The following OR1J2 variants were observed in gnomAD, a reference collection of about 807,000 sequenced individuals.
OR1J2 encodes the protein olfactory receptor family 1 subfamily J member 2, also known as olfactory receptor 1J2.
For missense variants in OR1J2, 304 were observed against 246.1 expected (o/e 1.24, Z -1.57); for synonymous variants, 142 against 99.7 (o/e 1.42, Z -2.52).
At chr9:122,480,081 A>G in the OR1J2 span, among the ~76,000 whole-genome samples, 1 of 152,056 alleles carries the variant, frequency 6.6e-6, no homozygotes, top group Non-Finnish European at 1.5e-5. Context: ...ACTCACATCA[A>G]TATTTATCAA....
downstream of OR1J2, among the ~76,000 whole-genome samples, chr9:122,514,741 C>T (rs1172356541): frequency 6.6e-6 from 1 of 152,166 alleles, no homozygotes; most frequent in Non-Finnish European, 1.5e-5. Context: ...CTATAGACAT[C>T]TCAACCTAAC....
chr9:122,526,941 T>TA, the OR1J2 span: 1 of 1,614,172 alleles, frequency 6.2e-7, no homozygotes, highest in South Asian at 1.1e-5. Flanking sequence ...ATAGCGGTCA[T>TA]ACGCCATGGC....
chr9:122,485,960 G>GT, the OR1J2 span, among the ~76,000 whole-genome samples: 25,810 of 138,568 alleles, frequency 0.19, 2,556 homozygotes, highest in Admixed American at 0.21. Context: ...TCCCACATAA[G>GT]TTTTTTTTTT....
At chr9:122,505,136 C>T in the OR1J2 span, among the ~76,000 whole-genome samples, 354 of 152,186 alleles carry the variant, frequency 2.3e-3, no homozygotes, top group Non-Finnish European at 3.6e-3. Flanking sequence ...AGAAGCTGCC[C>T]GCATATAAGC....
the OR1J2 span, among the ~76,000 whole-genome samples, chr9:122,552,508 G>A: frequency 6.6e-6 from 1 of 152,176 alleles, no homozygotes; most frequent in Non-Finnish European, 1.5e-5. Flanking sequence ...TGATGGAAGG[G>A]AGAGAGTGGC....
At chr9:122,490,918 C>A in the OR1J2 span, among the ~76,000 whole-genome samples, 142 of 152,088 alleles carry the variant, frequency 9.3e-4, 11 homozygotes, top group Non-Finnish European at 1.0e-4. Context: ...TTGCAGTGGG[C>A]AGAGGACATG....
chr9:122,480,912 A>G, the OR1J2 span, among the ~76,000 whole-genome samples: 148 of 152,176 alleles, frequency 9.7e-4, 1 homozygote, highest in African/African-American at 3.4e-3. Context: ...CTCCTGCCTC[A>G]GCCTCCCGAG....
the OR1J2 span, among the ~76,000 whole-genome samples, chr9:122,556,690 A>T: frequency 2.2e-4 from 34 of 152,308 alleles, no homozygotes; most frequent in African/African-American, 7.9e-4. Context: ...TAAAAGAAAA[A>T]AAAAGTAAGT....
the OR1J2 span, among the ~76,000 whole-genome samples, chr9:122,488,331 G>T: frequency 6.6e-6 from 1 of 152,198 alleles, no homozygotes; most frequent in African/African-American, 2.4e-5. Flanking sequence ...TAGAAATGGG[G>T]TTTTGCCATG....
At chr9:122,515,134 G>C (rs191686419), downstream of OR1J2, among the ~76,000 whole-genome samples, 356 of 152,266 alleles carry the variant, frequency 2.3e-3, 7 homozygotes, top group African/African-American at 8.4e-3. Flanking sequence ...GAATAGACTT[G>C]TTACCTCTCC....
At chr9:122,451,718 A>G in the OR1J2 span, among the ~76,000 whole-genome samples, 3 of 152,214 alleles carry the variant, frequency 2.0e-5, no homozygotes, top group East Asian at 5.8e-4. Context: ...GACAATGTTC[A>G]GGACATTAAT....
At chr9:122,521,500 G>C in the OR1J2 span, among the ~76,000 whole-genome samples, 2 of 152,232 alleles carry the variant, frequency 1.3e-5, no homozygotes, top group Admixed American at 6.5e-5. Flanking sequence ...CCTTCATCGG[G>C]GGCTCATGTA....
chr9:122,534,376 G>A, the OR1J2 span, among the ~76,000 whole-genome samples: 34 of 152,138 alleles, frequency 2.2e-4, no homozygotes, highest in Non-Finnish European at 2.9e-4. Context: ...ACTGTAAAGC[G>A]TCTCAGTGTT....
the OR1J2 span, among the ~76,000 whole-genome samples, chr9:122,577,729 AT>A: frequency 6.6e-6 from 1 of 152,230 alleles, no homozygotes; most frequent in African/African-American, 2.4e-5. Flanking sequence ...GACAGTATTT[AT>A]TTAAATATTT....
chr9:122,497,037 C>T, the OR1J2 span, among the ~76,000 whole-genome samples: 67 of 152,148 alleles, frequency 4.4e-4, no homozygotes, highest in Non-Finnish European at 6.3e-4. Flanking sequence ...CACACCATGT[C>T]TCCTTCCCCC....
chr9:122,502,190 T>C, the OR1J2 span, among the ~76,000 whole-genome samples: 2 of 152,142 alleles, frequency 1.3e-5, no homozygotes, highest in Non-Finnish European at 2.9e-5. Flanking sequence ...AGCAGTAAGG[T>C]AAATAGTTAT....
At chr9:122,524,892 C>T in the OR1J2 span, among the ~76,000 whole-genome samples, 1 of 152,032 alleles carries the variant, frequency 6.6e-6, no homozygotes. Context: ...CCTAGGAGAC[C>T]CTCTTCTGAA....
At chr9:122,513,402 T>C (rs1828662805), downstream of OR1J2, among the ~76,000 whole-genome samples, 1 of 152,214 alleles carries the variant, frequency 6.6e-6, no homozygotes, top group Non-Finnish European at 1.5e-5. Flanking sequence ...TTCCCTGTTA[T>C]TCAGCTAATT....
the OR1J2 span, among the ~76,000 whole-genome samples, chr9:122,571,417 G>A: frequency 8.0e-4 from 122 of 152,102 alleles, no homozygotes; most frequent in African/African-American, 2.7e-3. Context: ...AGGCATGGTG[G>A]CGGGGGCCTG....
Sources: allele counts gnomAD v4.1 joint callset (sites outside exome capture counted in the v4.1 genomes callset), GRCh38; gene constraint gnomAD v4.1.1; transcripts MANE v1.5; gene names NCBI Gene and HGNC (gene_info 2026-07-23, HGNC 2026-07-21).